GRIK3: variants seen among roughly 807,000 people sequenced by gnomAD.
GRIK3 encodes glutamate receptor ionotropic, kainate 3.
A neutral mutation model predicts 102.5 loss-of-function variants in GRIK3; 29 were observed. The observed-to-expected ratio is 0.28, with a 90% confidence interval of 0.21 to 0.39. GRIK3 has a LOEUF of 0.39. GRIK3 is among the 10% of genes least tolerant of loss of function. The pLI is 1.00. For missense variants in GRIK3, 908 were observed against 1,252.4 expected (o/e 0.73, Z 4.15); for synonymous variants, 511 against 504.9 (o/e 1.01, Z -0.16).
intron 1 of GRIK3, among the ~76,000 whole-genome samples, chr1:36,947,180 G>C (rs1641793163): frequency 6.6e-6 from 1 of 152,082 alleles, no homozygotes; most frequent in East Asian, 1.9e-4. Flanking sequence ...TCCTGGGCCT[G>C]GTGTGTGCAT....
intron 1 of GRIK3, among the ~76,000 whole-genome samples, chr1:36,973,800 G>A (rs767206822): frequency 6.6e-6 from 1 of 152,056 alleles, no homozygotes; most frequent in Non-Finnish European, 1.5e-5. Context: ...TTCAGATGAC[G>A]TAGGAGACGT....
chr1:36,912,830 T>C (rs1179441324), intron 1 of GRIK3, among the ~76,000 whole-genome samples: 1 of 152,210 alleles, frequency 6.6e-6, no homozygotes, highest in Non-Finnish European at 1.5e-5. Context: ...GTTTGTTAAA[T>C]ATATGTATAT....
chr1:36,908,778 GGTGTGTGTGTGTGT>G (rs56228690), intron 1 of GRIK3, among the ~76,000 whole-genome samples: 5 of 147,102 alleles, frequency 3.4e-5, no homozygotes, highest in Admixed American at 2.0e-4. Context: ...AATGGGATAG[GGTGTGTGTGTGTGT>G]GTGTGTGTGT....
At chr1:36,825,579 T>C (rs1402217464) in intron 11 of GRIK3, 24 bp downstream of exon 11, 1 of 1,508,612 alleles carries the variant, frequency 6.6e-7, no homozygotes, top group Non-Finnish European at 9.0e-7. Flanking sequence ...TTGGGCCCGA[T>C]GTCTGGCCAA....
intron 1 of GRIK3, among the ~76,000 whole-genome samples, chr1:36,939,457 C>T (rs1641696808): frequency 6.6e-6 from 1 of 152,182 alleles, no homozygotes; most frequent in Non-Finnish European, 1.5e-5. Flanking sequence ...AGAGGTGGGA[C>T]TAGAACTGCA....
chr1:36,879,331 A>C (rs1279209645), intron 3 of GRIK3, among the ~76,000 whole-genome samples: 3 of 151,844 alleles, frequency 2.0e-5, no homozygotes, highest in Non-Finnish European at 4.4e-5. Flanking sequence ...TTGGCTCTAC[A>C]AAAAAATACA....
intron 1 of GRIK3, among the ~76,000 whole-genome samples, chr1:36,897,913 T>C (rs1424941211): frequency 6.6e-6 from 1 of 152,152 alleles, no homozygotes; most frequent in Non-Finnish European, 1.5e-5. Context: ...AACAGATGAA[T>C]GGATAAAGAA....
intron 1 of GRIK3, among the ~76,000 whole-genome samples, chr1:36,977,133 T>C (rs1642204162): frequency 6.6e-6 from 1 of 152,236 alleles, no homozygotes; most frequent in South Asian, 2.1e-4. Context: ...AAATCCCGCA[T>C]GGACCATTTG....
At chr1:36,973,825 G>A (rs1025047679) in intron 1 of GRIK3, among the ~76,000 whole-genome samples, 1 of 152,112 alleles carries the variant, frequency 6.6e-6, no homozygotes, top group East Asian at 1.9e-4. Context: ...GATGCTGCGT[G>A]CCACATCCTC....
chr1:36,980,461 G>C (rs996283277), intron 1 of GRIK3, among the ~76,000 whole-genome samples: 1 of 151,468 alleles, frequency 6.6e-6, no homozygotes, highest in Admixed American at 6.6e-5. Context: ...TCCTTTTGTG[G>C]TGCCACTTGC....
intron 1 of GRIK3, among the ~76,000 whole-genome samples, chr1:36,891,418 G>A (rs992153115): frequency 2.6e-4 from 40 of 152,238 alleles, no homozygotes; most frequent in African/African-American, 9.6e-4. Flanking sequence ...CCATGACCAC[G>A]CAGAGTTTTA....
intron 1 of GRIK3, among the ~76,000 whole-genome samples, chr1:36,960,248 G>A (rs1338590159): frequency 6.7e-6 from 1 of 149,162 alleles, no homozygotes; most frequent in Non-Finnish European, 1.5e-5. Flanking sequence ...CCATGAGTCT[G>A]TGTGCCCTGT....
At position 36,995,207 on chromosome 1, in the gene GRIK3, T is replaced by A. The variant is rs561072498; in HGVS notation, c.115+38787A>T. Among the ~76,000 whole-genome samples, 4 of 152,328 alleles carry A rather than the reference T, an allele frequency of 2.6e-5. No individual in the cohort carries two copies. In the East Asian group the frequency reaches 7.7e-4, roughly 29 times the overall value. ...TACACATGAATTTAATAAGCAGACG[T>A]ATACCTGCCACCCCATCAATAATAA... On this transcript the variant is annotated intron_variant, in intron 1 of 15. Coordinates refer to ENST00000373091, the MANE Select transcript of GRIK3 (RefSeq NM_000831.4).
At chr1:36,999,003 TG>T (rs1438376533) in intron 1 of GRIK3, among the ~76,000 whole-genome samples, 2 of 61,024 alleles carry the variant, frequency 3.3e-5, no homozygotes, top group Admixed American at 1.3e-4. Context: ...TGTGTGTGTG[TG>T]TGTATGTGTG....
At chr1:36,890,371 G>A (rs1222640678) in intron 2 of GRIK3, among the ~76,000 whole-genome samples, 2 of 152,034 alleles carry the variant, frequency 1.3e-5, no homozygotes, top group African/African-American at 2.4e-5. Flanking sequence ...GGCGGAGAGA[G>A]GAGAATTGCT....
At chr1:36,825,572 G>C (rs778168837) in intron 11 of GRIK3, 31 bp downstream of exon 11, 60 of 1,477,348 alleles carry the variant, frequency 4.1e-5, no homozygotes, top group Non-Finnish European at 5.3e-5. Context: ...TTCAACCTTG[G>C]GCCCGATGTC....
intron 10 of GRIK3, among the ~76,000 whole-genome samples, chr1:36,826,929 C>G (rs1642761259): frequency 6.6e-6 from 1 of 152,202 alleles, no homozygotes; most frequent in Admixed American, 6.5e-5. Context: ...GCATCCTCCC[C>G]CATGAGGCCC....
rs115319993 is a variant in GRIK3 at position 36,819,750 on chromosome 1, G to C, written c.1859C>G (p.Ser620Cys). ...AGGGTGCATACCTTGCTGCATCAGG[G>C]ATCCCATTCCAAACCAGAAGCTGTT... ...LLNSFWFGMG[S>C]LMQQGSELMP... Residue 620 changes from serine (S) to cysteine (C), a missense_variant, in exon 12 of 16, where the codon TCC becomes TGC. Physicochemically the swap from Ser to Cys is moderately radical, Grantham distance 112 (BLOSUM62 -1). Coordinates refer to ENST00000373091, the MANE Select transcript of GRIK3 (RefSeq NM_000831.4). The surrounding 1 kb of genome is among the most constrained non-coding windows in gnomAD (Gnocchi z 4.1). 3 of 1,564,906 alleles carry C rather than the reference G, an allele frequency of 1.9e-6. No individual in the cohort carries two copies. The East Asian group carries it at 6.7e-5, about 35-fold the overall frequency.
At chr1:36,837,080 T>C (rs1640388703) in intron 10 of GRIK3, among the ~76,000 whole-genome samples, 1 of 152,030 alleles carries the variant, frequency 6.6e-6, no homozygotes, top group African/African-American at 2.4e-5. Flanking sequence ...CCAGGCATCC[T>C]GTGGCTTCCA....
Sources: gnomAD v4.1 joint callset for allele counts (sites outside exome capture counted in the v4.1 genomes callset) on GRCh38, gnomAD v4.1.1 for gene constraint, Gnocchi (gnomAD v3.1) non-coding constraint, MANE v1.5 for transcripts, NCBI Gene and HGNC (gene_info 2026-07-23, HGNC 2026-07-21) for gene names.